The following KLHL13 variants were observed in gnomAD, a reference collection of about 807,000 sequenced individuals.
KLHL13 encodes kelch-like protein 13.
In KLHL13, 10 loss-of-function variants were observed where a neutral mutation model predicts 37.1. The observed-to-expected ratio is 0.27, with a 90% CI of 0.17 to 0.46. The LOEUF (loss-of-function observed/expected upper bound fraction) is 0.46, where lower values mean the gene tolerates loss of function less well. Among genes scored for constraint, KLHL13 ranks in the 20% least tolerant of loss-of-function variants. The pLI is 1.00. For missense variants in KLHL13, 360 were observed against 509.3 expected, an observed-to-expected ratio of 0.71 and a Z score of 2.82; for synonymous variants, 163 against 181.2, an observed-to-expected ratio of 0.90 and a Z score of 0.81.
rs1453804933 is a variant in KLHL13, at chrX:117,959,423, T to C, written c.98+13308A>G. ...AACTAAAGCTAGATCAGACTATTAATTAAGAACATGTTTCACTGTCAGACA... is the reference window on the plus strand; with the variant it reads ...AACTAAAGCTAGATCAGACTATTAACTAAGAACATGTTTCACTGTCAGACA... On this transcript the variant is annotated intron_variant, in intron 1 of 6. Transcript: ENST00000262820. Among the ~76,000 whole-genome samples the C allele has an allele frequency of 2.1e-4, 24 of 112,342 alleles. No individual in the cohort carries two copies. The Admixed American group carries it at 2.2e-3, about 10-fold the overall frequency.
chrX:118,043,688 C>T (rs913646650), intron 1 of KLHL13, among the ~76,000 whole-genome samples: 3 of 111,536 alleles, frequency 2.7e-5, no homozygotes, highest in African/African-American at 3.3e-5. Flanking sequence ...AATTCAACAT[C>T]GCTTCATGAT....
intron 1 of KLHL13, among the ~76,000 whole-genome samples, chrX:118,085,532 C>T (rs140509807): frequency 0.011 from 1,196 of 109,632 alleles, 16 homozygotes; most frequent in African/African-American, 0.038. Flanking sequence ...TACCTGTCAC[C>T]CAAATAGTGT....
At chrX:117,917,808 C>T (rs886805635) in intron 4 of KLHL13, among the ~76,000 whole-genome samples, 15 of 111,822 alleles carry the variant, frequency 1.3e-4, no homozygotes, top group African/African-American at 4.9e-4. Flanking sequence ...GAAATCATGG[C>T]ACTTTCCTTA....
intron 1 of KLHL13, among the ~76,000 whole-genome samples, chrX:118,026,055 C>T (rs1429676235): frequency 9.0e-6 from 1 of 111,327 alleles, no homozygotes; most frequent in Admixed American, 9.6e-5. Context: ...TGTATACATT[C>T]CAACAAACAG....
In KLHL13 at chrX:117,966,641, G is replaced by A. The variant is rs764448600; in HGVS notation, c.98+6090C>T. 2.1e-3 allele frequency among the ~76,000 whole-genome samples: 230 copies of A among 110,739 alleles called. 1 individual carries two copies. Among genetic ancestry groups the A allele is most frequent in the African/African-American group, 7.1e-3 (215 of 30,470 alleles). On this transcript the variant is annotated intron_variant, in intron 1 of 6. Coordinates refer to ENST00000262820, the Ensembl canonical transcript of KLHL13. ...AAAAGAACAAAGCTGGAGGCATCAC[G>A]CTACCTGACTTCAAACTATACTACA...
intron 2 of KLHL13, among the ~76,000 whole-genome samples, chrX:117,932,594 A>T (rs1003150135): frequency 9.0e-6 from 1 of 111,626 alleles, no homozygotes; most frequent in African/African-American, 3.2e-5. Flanking sequence ...TAGATATAAA[A>T]TTTTTTTCTT....
At chrX:117,938,142 T>C (rs919015249) in intron 2 of KLHL13, among the ~76,000 whole-genome samples, 4 of 112,152 alleles carry the variant, frequency 3.6e-5, no homozygotes, top group African/African-American at 1.3e-4. Flanking sequence ...TGTATCACAT[T>C]TTCCCTGTTA....
chrX:118,048,437 T>C (rs1171510086), intron 1 of KLHL13, among the ~76,000 whole-genome samples: 3 of 111,008 alleles, frequency 2.7e-5, no homozygotes, highest in African/African-American at 6.5e-5. Flanking sequence ...GAAAATGCAA[T>C]TGTGGAAGGA....
chrX:118,074,778 G>A (rs2054911102), intron 1 of KLHL13, among the ~76,000 whole-genome samples: 1 of 111,835 alleles, frequency 8.9e-6, no homozygotes, highest in African/African-American at 3.2e-5. Flanking sequence ...TCTTAGGTTT[G>A]TGAGGCTGCT....
At chrX:117,905,688 G>A (rs1271859187) in intron 5 of KLHL13, among the ~76,000 whole-genome samples, 1 of 110,866 alleles carries the variant, frequency 9.0e-6, no homozygotes, top group Non-Finnish European at 1.9e-5. Flanking sequence ...TGGGTACATA[G>A]TACGTGTATA....
At chrX:118,039,015 A>G (rs1476799717) in intron 1 of KLHL13, among the ~76,000 whole-genome samples, 1 of 112,288 alleles carries the variant, frequency 8.9e-6, no homozygotes, top group Non-Finnish European at 1.9e-5. Context: ...TCCAGGCCCT[A>G]GTTCCCAGAT....
intron 1 of KLHL13, among the ~76,000 whole-genome samples, chrX:117,962,691 C>A (rs1422790098): frequency 2.7e-5 from 3 of 112,168 alleles, no homozygotes; most frequent in Non-Finnish European, 5.6e-5. Flanking sequence ...CCATATTTCC[C>A]TTTTCTTCTA....
At chrX:118,065,859 C>T (rs1007658185) in intron 1 of KLHL13, among the ~76,000 whole-genome samples, 2 of 111,681 alleles carry the variant, frequency 1.8e-5, no homozygotes, top group Non-Finnish European at 3.8e-5. Flanking sequence ...GGCTGGACAT[C>T]GCTATTTTAA....
intron 2 of KLHL13, among the ~76,000 whole-genome samples, chrX:117,936,265 G>A (rs1449393976): frequency 9.0e-6 from 1 of 111,463 alleles, no homozygotes; most frequent in Admixed American, 9.5e-5. Flanking sequence ...AAAGTCATTT[G>A]CCCTGCCAAC....
At chrX:117,920,267 G>A (rs1407731439) in exon 3 of KLHL13, 1 of 1,208,779 alleles carries the variant, frequency 8.3e-7, no homozygotes, top group South Asian at 1.8e-5. Flanking sequence ...GTAATCACTA[G>A]CAGATGCCAT....
At chrX:117,938,721 T>A (rs745902120) in intron 2 of KLHL13, among the ~76,000 whole-genome samples, 1 of 111,358 alleles carries the variant, frequency 9.0e-6, no homozygotes, top group South Asian at 3.8e-4. Context: ...AGGTATTTCT[T>A]ATTTTTCTTT....
At chrX:118,039,054 A>C (rs2054480499) in intron 1 of KLHL13, among the ~76,000 whole-genome samples, 1 of 112,422 alleles carries the variant, frequency 8.9e-6, no homozygotes, top group Non-Finnish European at 1.9e-5. Flanking sequence ...CTGAGCAAAA[A>C]GGAAACCTGC....
At position 118,011,073 on chromosome X, in the gene KLHL13, A is replaced by AAAAT. The variant is rs746728611; in HGVS notation, c.-55-65502_-55-65499dup. Among the ~76,000 whole-genome samples the AAAAT allele has an allele frequency of 5.1e-3, 550 of 108,376 alleles. 4 individuals carry two copies. The highest frequency in any genetic ancestry group is 0.012 in the African/African-American group (362 of 29,655). The allele number at this position is 108,376 out of a possible 115,157, so 94.1% of individuals were successfully genotyped here. On this transcript the variant is annotated intron_variant, in intron 1 of 6. Transcript: ENST00000371882. ...GGGTGACAGAGTGAGACACTGTCTC[A>AAAAT]AAATAAATAAATAAATAAATAAATA...
intron 1 of KLHL13, among the ~76,000 whole-genome samples, chrX:118,038,518 A>G (rs915514953): frequency 9.0e-6 from 1 of 111,158 alleles, no homozygotes; most frequent in Non-Finnish European, 1.9e-5. Flanking sequence ...AGTAATGGGG[A>G]CTTTCCATTG....
Sources: allele counts gnomAD v4.1 joint callset (sites outside exome capture counted in the v4.1 genomes callset), GRCh38; gene constraint gnomAD v4.1.1; transcripts MANE v1.5; gene names NCBI Gene and HGNC (gene_info 2026-07-23, HGNC 2026-07-21).